Variants in STX8 observed in about 807,000 individuals in gnomAD.
The protein encoded by STX8 is syntaxin 8, also known as syntaxin-8.
STX8 carries 23 observed loss-of-function variants against 37.5 expected under a neutral mutation model. The observed-to-expected ratio is 0.61, with a 90% CI of 0.44 to 0.87. STX8 has a LOEUF of 0.87. Ranked by LOEUF, STX8 falls within the 40% of genes least tolerant of loss-of-function variation. The pLI is 0.00. For missense variants in STX8, 313 were observed against 284.7 expected (o/e 1.10, Z -0.71); for synonymous variants, 115 against 99.1 (o/e 1.16, Z -0.95).
At chr17:9,470,007 T>A (rs904513061) in intron 6 of STX8, 2 of 152,244 alleles carry the variant, frequency 1.3e-5, no homozygotes, top group Non-Finnish European at 2.9e-5. Context: ...AAATTTTTTT[T>A]AATTGTGCTT....
intron 7 of STX8, among the ~76,000 whole-genome samples, chr17:9,332,784 T>G (rs1323201692): frequency 6.6e-6 from 1 of 152,160 alleles, no homozygotes; most frequent in Non-Finnish European, 1.5e-5. Flanking sequence ...CTATCTCGAT[T>G]CCCTCCCCCA....
chr17:9,356,959 A>AGTTTTTTT (rs1910898532), intron 7 of STX8, among the ~76,000 whole-genome samples: 1 of 77,458 alleles, frequency 1.3e-5, no homozygotes, highest in Non-Finnish European at 2.7e-5. Context: ...TCCTTTTAAC[A>AGTTTTTTT]GTTTTTTTTT....
chr17:9,440,585 T>C (rs1046973053), intron 6 of STX8, among the ~76,000 whole-genome samples: 1 of 150,162 alleles, frequency 6.7e-6, no homozygotes, highest in African/African-American at 2.4e-5. Context: ...AGTGCAGTGG[T>C]GCGATCTCGG....
At chr17:9,493,663 A>G (rs1332359659) in intron 5 of STX8, among the ~76,000 whole-genome samples, 1 of 152,148 alleles carries the variant, frequency 6.6e-6, no homozygotes. Context: ...CTCCCTGGAC[A>G]TTCTGTCTCA....
chr17:9,437,175 T>C (rs555510843), intron 6 of STX8, among the ~76,000 whole-genome samples: 5 of 152,240 alleles, frequency 3.3e-5, no homozygotes, highest in Non-Finnish European at 5.9e-5. Flanking sequence ...TATTCATCAA[T>C]AGCAAATATC....
intron 2 of STX8, among the ~76,000 whole-genome samples, chr17:9,566,393 T>A (rs751430214): frequency 6.6e-6 from 1 of 152,252 alleles, no homozygotes; most frequent in Non-Finnish European, 1.5e-5. Flanking sequence ...GAAGACGGTG[T>A]GGCAATTCCT....
chr17:9,438,591 C>T (rs141417677), intron 6 of STX8, among the ~76,000 whole-genome samples: 1 of 152,228 alleles, frequency 6.6e-6, no homozygotes, highest in East Asian at 1.9e-4. Flanking sequence ...TCTGTTGCAA[C>T]TACTCAAAAC....
intron 3 of STX8, 98 bp downstream of exon 3, chr17:9,557,336 T>C: frequency 1.1e-6 from 1 of 942,468 alleles, no homozygotes; most frequent in Non-Finnish European, 1.7e-6. Context: ...TTCCTCAAGC[T>C]GTGGGAAAAT....
intron 6 of STX8, among the ~76,000 whole-genome samples, chr17:9,385,397 A>C (rs1211258424): frequency 6.6e-6 from 1 of 152,232 alleles, no homozygotes; most frequent in East Asian, 1.9e-4. Flanking sequence ...AATGGTAGAA[A>C]ATATTTGTAG....
At chr17:9,530,367 T>C (rs559250866) in intron 4 of STX8, among the ~76,000 whole-genome samples, 17 of 151,902 alleles carry the variant, frequency 1.1e-4, no homozygotes, top group African/African-American at 3.9e-4. Flanking sequence ...GCCTTTTGTA[T>C]AGTTCCATTT....
chr17:9,429,957 A>AT (rs1913852246), intron 6 of STX8, among the ~76,000 whole-genome samples: 1 of 842 alleles, frequency 1.2e-3, no homozygotes, highest in Non-Finnish European at 1.8e-3. Flanking sequence ...ATTATATATA[A>AT]TATATATATT....
intron 7 of STX8, among the ~76,000 whole-genome samples, chr17:9,251,560 G>A (rs1363292653): frequency 6.6e-6 from 1 of 152,232 alleles, no homozygotes; most frequent in African/African-American, 2.4e-5. Flanking sequence ...CAGAGGAGGA[G>A]AGGTCCATGA....
At chr17:9,484,990 CTTAAAA>C (rs1906521731) in intron 6 of STX8, among the ~76,000 whole-genome samples, 1 of 152,236 alleles carries the variant, frequency 6.6e-6, no homozygotes, top group African/African-American at 2.4e-5. Flanking sequence ...GGGAGGGCCA[CTTAAAA>C]TTAATAATGT....
chr17:9,430,529 G>A (rs1913918413), intron 6 of STX8, among the ~76,000 whole-genome samples: 1 of 151,542 alleles, frequency 6.6e-6, no homozygotes, highest in South Asian at 2.1e-4. Flanking sequence ...GTTCATATAT[G>A]TAATCGCATA....
At chr17:9,449,867 C>T (rs1001627327) in intron 6 of STX8, among the ~76,000 whole-genome samples, 1 of 151,678 alleles carries the variant, frequency 6.6e-6, no homozygotes, top group African/African-American at 2.4e-5. Flanking sequence ...ACCTGTAGTC[C>T]CAGTAACTTG....
chr17:9,426,432 C>T (rs371517930), intron 6 of STX8, among the ~76,000 whole-genome samples: 4 of 152,292 alleles, frequency 2.6e-5, no homozygotes, highest in East Asian at 1.9e-4. Context: ...GAGGCTGAGG[C>T]AGGAGAATTG....
At chr17:9,481,440 G>A (rs1224270481) in intron 6 of STX8, among the ~76,000 whole-genome samples, 1 of 152,116 alleles carries the variant, frequency 6.6e-6, no homozygotes, top group Non-Finnish European at 1.5e-5. Context: ...AATTCTAGGG[G>A]TGTAGCATCA....
chr17:9,452,908 C>T (rs1905087404), intron 6 of STX8, among the ~76,000 whole-genome samples: 1 of 151,880 alleles, frequency 6.6e-6, no homozygotes. Flanking sequence ...CGGGTTCAAG[C>T]TATTCTCTTG....
intron 7 of STX8, among the ~76,000 whole-genome samples, chr17:9,356,713 A>T (rs1299405556): frequency 6.6e-6 from 1 of 152,166 alleles, no homozygotes; most frequent in Non-Finnish European, 1.5e-5. Flanking sequence ...AGTGTTCCCC[A>T]TGGCAGTGGC....
Sources: allele counts gnomAD v4.1 joint callset (sites outside exome capture counted in the v4.1 genomes callset), GRCh38; gene constraint gnomAD v4.1.1; transcripts MANE v1.5; gene names NCBI Gene and HGNC (gene_info 2026-07-23, HGNC 2026-07-21).